The following KLHL1 variants were observed in gnomAD, a reference collection of about 807,000 sequenced individuals.
KLHL1 encodes the protein kelch like family member 1, also known as kelch-like protein 1.
KLHL1 carries 47 observed loss-of-function variants against 77.7 expected under a neutral mutation model. That is an observed-to-expected ratio of 0.60 (90% CI 0.48 to 0.77). KLHL1 has a LOEUF of 0.77. Ranked by LOEUF, KLHL1 falls within the 30% of genes least tolerant of loss-of-function variation. The pLI is 0.00. For synonymous variants in KLHL1, 360 were observed against 325.2 expected, an observed-to-expected ratio of 1.11 and a Z score of -1.15; for missense variants, 925 against 910.8, an observed-to-expected ratio of 1.02 and a Z score of -0.20.
chr13:69,990,125 G>T (rs1479289258), intron 1 of KLHL1, among the ~76,000 whole-genome samples: 7 of 151,956 alleles, frequency 4.6e-5, no homozygotes, highest in Non-Finnish European at 7.4e-5. Flanking sequence ...ACAAGCAAAT[G>T]CTGAAGGAAT....
At chr13:69,731,360 C>G (rs1253954128) in intron 8 of KLHL1, among the ~76,000 whole-genome samples, 1 of 152,122 alleles carries the variant, frequency 6.6e-6, no homozygotes, top group African/African-American at 2.4e-5. Context: ...TATTTTAATT[C>G]CTTCTAGAAG....
intron 3 of KLHL1, among the ~76,000 whole-genome samples, chr13:69,956,115 GATAT>G (rs1240493357): frequency 1.2e-4 from 12 of 100,546 alleles, no homozygotes; most frequent in African/African-American, 4.5e-4. Flanking sequence ...ATTTATATTT[GATAT>G]ATATATTTGA....
chr13:69,767,839 A>G (rs959729845), intron 7 of KLHL1, among the ~76,000 whole-genome samples: 1 of 152,150 alleles, frequency 6.6e-6, no homozygotes, highest in Non-Finnish European at 1.5e-5. Context: ...TTCTAGTGGC[A>G]TAGACTACTG....
At chr13:69,843,510 G>A (rs753086981) in intron 5 of KLHL1, among the ~76,000 whole-genome samples, 1 of 151,432 alleles carries the variant, frequency 6.6e-6, no homozygotes, top group Non-Finnish European at 1.5e-5. Context: ...AACTAATTAG[G>A]GTGGATTAAT....
intron 3 of KLHL1, among the ~76,000 whole-genome samples, chr13:69,948,463 T>G (rs17085738): frequency 0.13 from 19,387 of 151,918 alleles, 1,926 homozygotes; most frequent in East Asian, 0.29. Flanking sequence ...GCTTATAAAA[T>G]TGGAGTCACC....
At position 69,757,108 on chromosome 13, in the gene KLHL1, C is replaced by T. The variant is rs116585172; in HGVS notation, c.1640-16552G>A. ...TCTGAGAAATTTTACCCAGTCCAAG[C>T]GATATGATCCTAAATCTTTTAGAAA... is the stretch of plus-strand genomic sequence containing the variant. On this transcript the variant is annotated intron_variant, in intron 7 of 10. Coordinates refer to ENST00000377844, the MANE Select transcript of KLHL1 (RefSeq NM_020866.3). 6.3e-3 allele frequency among the ~76,000 whole-genome samples: 962 copies of T among 152,164 alleles called. 9 individuals carry two copies. The highest frequency in any genetic ancestry group is 0.021 in the African/African-American group (874 of 41,534).
chr13:69,720,569 T>C (rs1872999302), intron 8 of KLHL1, among the ~76,000 whole-genome samples: 1 of 152,000 alleles, frequency 6.6e-6, no homozygotes, highest in Non-Finnish European at 1.5e-5. Context: ...GCAAGGGACA[T>C]AGAATCCAGA....
At chr13:69,715,756 ACT>A (rs1318210374) in intron 9 of KLHL1, among the ~76,000 whole-genome samples, 4 of 151,920 alleles carry the variant, frequency 2.6e-5, no homozygotes, top group African/African-American at 9.7e-5. Context: ...TAGTTCTTTG[ACT>A]CTGCACTCAT....
chr13:70,071,755 T>C (rs959226764), intron 1 of KLHL1, among the ~76,000 whole-genome samples: 4 of 151,986 alleles, frequency 2.6e-5, no homozygotes, highest in African/African-American at 9.7e-5. Flanking sequence ...AATTTTAAGG[T>C]AAACCTAAAA....
intron 1 of KLHL1, among the ~76,000 whole-genome samples, chr13:69,986,054 A>C (rs1433669628): frequency 6.6e-6 from 1 of 151,502 alleles, no homozygotes; most frequent in Non-Finnish European, 1.5e-5. Flanking sequence ...CCAGGATATT[A>C]CTTTAAGTAA....
At chr13:69,766,483 CATATAT>C (rs905082922) in intron 7 of KLHL1, among the ~76,000 whole-genome samples, 1 of 147,628 alleles carries the variant, frequency 6.8e-6, no homozygotes, top group Non-Finnish European at 1.5e-5. Context: ...TATATATATA[CATATAT>C]ATATATATTT....
chr13:69,812,067 G>C (rs976590561), intron 6 of KLHL1, among the ~76,000 whole-genome samples: 1 of 151,866 alleles, frequency 6.6e-6, no homozygotes, highest in African/African-American at 2.4e-5. Context: ...TCTACACACT[G>C]CTTTAAATGT....
intron 1 of KLHL1, among the ~76,000 whole-genome samples, chr13:70,007,647 T>A (rs1369582092): frequency 6.6e-6 from 1 of 152,052 alleles, no homozygotes; most frequent in Non-Finnish European, 1.5e-5. Flanking sequence ...ACCTGTAAGG[T>A]ATCTATTTAA....
At chr13:70,036,845 T>G (rs1301450849) in intron 1 of KLHL1, among the ~76,000 whole-genome samples, 23 of 147,146 alleles carry the variant, frequency 1.6e-4, no homozygotes, top group African/African-American at 5.7e-4. Context: ...CTTTTTTTTT[T>G]TTTTTTTTTT....
intron 9 of KLHL1, among the ~76,000 whole-genome samples, chr13:69,713,459 G>A (rs1875972880): frequency 6.6e-6 from 1 of 151,992 alleles, no homozygotes; most frequent in Non-Finnish European, 1.5e-5. Flanking sequence ...TATTTTTCAA[G>A]TTTGGTGAGC....
At chr13:69,706,285 G>T (rs184223558) in intron 10 of KLHL1, among the ~76,000 whole-genome samples, 117 of 151,490 alleles carry the variant, frequency 7.7e-4, no homozygotes, top group Non-Finnish European at 1.4e-3. Context: ...TTACTTACTT[G>T]GCTAAATGTA....
At chr13:69,965,552 C>T (rs2137276427) in intron 2 of KLHL1, among the ~76,000 whole-genome samples, 1 of 152,252 alleles carries the variant, frequency 6.6e-6, no homozygotes, top group South Asian at 2.1e-4. Context: ...GCAATGCCCT[C>T]TAAGTGTCCA....
intron 7 of KLHL1, among the ~76,000 whole-genome samples, chr13:69,779,494 C>CTTCTTTCCTGTCCTTTTTCCTT (rs1876023608): frequency 6.6e-6 from 1 of 150,468 alleles, no homozygotes; most frequent in African/African-American, 2.4e-5. Context: ...TTCCTTTTCC[C>CTTCTTTCCTGTCCTTTTTCCTT]TTCTTTCCTG....
intron 7 of KLHL1, among the ~76,000 whole-genome samples, chr13:69,769,077 A>C (rs2137978756): frequency 6.6e-6 from 1 of 152,314 alleles, no homozygotes; most frequent in East Asian, 1.9e-4. Flanking sequence ...TATTATCTAC[A>C]ATTATCTGTA....
Sources: allele counts gnomAD v4.1 joint callset (sites outside exome capture counted in the v4.1 genomes callset), GRCh38; gene constraint gnomAD v4.1.1; transcripts MANE v1.5; gene names NCBI Gene and HGNC (gene_info 2026-07-23, HGNC 2026-07-21).